ZNF652: variants seen among roughly 807,000 people sequenced by gnomAD.
The protein encoded by ZNF652 is zinc finger protein 652.
ZNF652 carries 16 observed loss-of-function variants against 45.2 expected under a neutral mutation model. The observed-to-expected ratio is 0.35, with a 90% CI of 0.24 to 0.54. ZNF652 has a LOEUF of 0.54. Ranked by LOEUF, ZNF652 falls within the 20% of genes least tolerant of loss-of-function variation. ZNF652 has a pLI of 0.91. For synonymous variants in ZNF652, 250 were observed against 260.6 expected (o/e 0.96, Z 0.39); for missense variants, 614 against 765.6 (o/e 0.80, Z 2.34).
At chr17:49,320,513 T>C (rs1187796371) in intron 1 of ZNF652, among the ~76,000 whole-genome samples, 1 of 152,254 alleles carries the variant, frequency 6.6e-6, no homozygotes, top group Non-Finnish European at 1.5e-5. Flanking sequence ...ATTTCTACTA[T>C]GACAAATGAC....
At chr17:49,321,517 G>A (rs1022028646) in intron 1 of ZNF652, among the ~76,000 whole-genome samples, 1 of 132,676 alleles carries the variant, frequency 7.5e-6, no homozygotes, top group Non-Finnish European at 1.5e-5. Flanking sequence ...TGATCCACCC[G>A]CCTTGACCTC....
intron 1 of ZNF652, among the ~76,000 whole-genome samples, chr17:49,318,397 T>C (rs1036929168): frequency 3.3e-5 from 5 of 152,180 alleles, no homozygotes; most frequent in African/African-American, 1.2e-4. Context: ...ACTCTTTACA[T>C]ATACAATGCT....
intron 1 of ZNF652, among the ~76,000 whole-genome samples, chr17:49,319,532 C>T (rs772590749): frequency 6.8e-6 from 1 of 147,338 alleles, no homozygotes; most frequent in Non-Finnish European, 1.5e-5. Context: ...ACTCAGGAGA[C>T]GGAGGCAGGA....
intron 1 of ZNF652, among the ~76,000 whole-genome samples, chr17:49,339,537 G>C (rs759660339): frequency 2.6e-5 from 4 of 151,972 alleles, no homozygotes; most frequent in Admixed American, 6.6e-5. Context: ...TGCAACTTTG[G>C]AACTTCCAAG....
Position 49,347,735 on chromosome 17 carries a change from GTTTTGTT to G in ZNF652, c.-259+14167_-259+14173del, listed in dbSNP as rs376134145. ...TGCCTGCAAGAAAAATTGAACCTTGGTTTTGTTTTTTTTTTTTTTTTTTTTTTTGAGA... is the reference window on the plus strand; with the variant it reads ...TGCCTGCAAGAAAAATTGAACCTTGGTTTTTTTTTTTTTTTTTTTTTGAGA... On this transcript the variant is annotated intron_variant, in intron 1 of 5. Coordinates refer to ENST00000430262, the MANE Select transcript of ZNF652 (RefSeq NM_001145365.3). Among the ~76,000 whole-genome samples the G allele has an allele frequency of 8.8e-4, 109 of 124,414 alleles. 10 individuals are homozygous for G. Among genetic ancestry groups the G allele is most frequent in the South Asian group, 4.1e-3 (17 of 4,164 alleles). 81.6% of individuals were successfully genotyped at this position (124,414 alleles called of 152,430 possible).
chr17:49,303,495 C>G (rs956064610), intron 5 of ZNF652, among the ~76,000 whole-genome samples: 4 of 152,112 alleles, frequency 2.6e-5, no homozygotes, highest in Non-Finnish European at 5.9e-5. Context: ...CCACCTTAGC[C>G]TCCCAAAGTG....
At chr17:49,345,167 G>A (rs956395084) in intron 1 of ZNF652, among the ~76,000 whole-genome samples, 1 of 151,556 alleles carries the variant, frequency 6.6e-6, no homozygotes, top group African/African-American at 2.4e-5. Context: ...GGAAGGGGCA[G>A]TGAGGGGTGG....
intron 2 of ZNF652, among the ~76,000 whole-genome samples, chr17:49,313,257 G>A (rs1179615267): frequency 6.6e-6 from 1 of 152,136 alleles, no homozygotes; most frequent in Non-Finnish European, 1.5e-5. Context: ...CCGGGTTCAA[G>A]CGATTCTCCT....
At chr17:49,349,594 G>A (rs2070248666) in intron 1 of ZNF652, among the ~76,000 whole-genome samples, 1 of 152,128 alleles carries the variant, frequency 6.6e-6, no homozygotes, top group South Asian at 2.1e-4. Flanking sequence ...AATTTTCTCA[G>A]AGCAAGACAT....
intron 2 of ZNF652, among the ~76,000 whole-genome samples, chr17:49,313,605 A>G (rs1298239723): frequency 6.6e-6 from 1 of 152,216 alleles, no homozygotes; most frequent in Non-Finnish European, 1.5e-5. Flanking sequence ...TAAAAACAAG[A>G]TTAAACAAAA....
In ZNF652 at chr17:49,294,191, T is replaced by C. The variant is rs946857993; in HGVS notation, c.*4222A>G. Reference sequence around the variant, plus strand: ...TTCAAGAATTAAAAAATTCATAGTTTATAAGCATCTCATCAGAGCATTTTG... The same window carrying C: ...TTCAAGAATTAAAAAATTCATAGTTCATAAGCATCTCATCAGAGCATTTTG... On this transcript the variant is annotated 3_prime_UTR_variant, in exon 6 of 6. Coordinates refer to ENST00000430262, the MANE Select transcript of ZNF652 (RefSeq NM_001145365.3). Among the ~76,000 whole-genome samples, 4 of 152,324 alleles carry C rather than the reference T, an allele frequency of 2.6e-5. No homozygotes were observed. Among genetic ancestry groups the C allele is most frequent in the South Asian group, 2.1e-4 (1 of 4,828 alleles).
rs2069426727 is a variant in ZNF652 at position 49,293,240 on chromosome 17, T to C, written c.*5173A>G. Among the ~76,000 whole-genome samples the C allele has an allele frequency of 3.9e-5, 6 of 152,226 alleles. No homozygotes were observed. The highest frequency in any genetic ancestry group is 3.9e-4 in the Admixed American group (6 of 15,288). On this transcript the variant is annotated 3_prime_UTR_variant, in exon 6 of 6. Coordinates refer to ENST00000430262, the MANE Select transcript of ZNF652 (RefSeq NM_001145365.3). ...ACAGTTTGTTTTCCAAATATGTATGTCTGCAAAGTATTCTGACTTAAGTAA... is the reference window on the plus strand; with the variant it reads ...ACAGTTTGTTTTCCAAATATGTATGCCTGCAAAGTATTCTGACTTAAGTAA...
chr17:49,317,012 C>T lies in ZNF652; in HGVS notation c.714G>A (p.Lys238=), dbSNP rs1379327654. The T allele has an allele frequency of 6.2e-6, 10 of 1,614,168 alleles. No homozygotes were observed. Among genetic ancestry groups the T allele is most frequent in the Middle Eastern group, 1.6e-4 (1 of 6,062 alleles). The part of the protein sequence containing the change: ...KEPKAPVQKA[K]CEEKETLTCE... ...AGGTCAGAGTCTCTTTCTCTTCACA[C>T]TTAGCTTTCTGGACTGGTGCTTTGG... is the stretch of plus-strand genomic sequence containing the variant. The change falls in exon 2 of 6, where the codon AAG becomes AAA. Residue 238 remains lysine, a synonymous_variant. Transcript: ENST00000430262.
chr17:49,336,856 G>A (rs542560276), intron 1 of ZNF652, among the ~76,000 whole-genome samples: 5 of 151,080 alleles, frequency 3.3e-5, no homozygotes, highest in East Asian at 3.9e-4. Flanking sequence ...TCAGGAGTTC[G>A]AGAACAGCCC....
At chr17:49,342,006 C>A (rs1200037703) in intron 1 of ZNF652, among the ~76,000 whole-genome samples, 1 of 151,928 alleles carries the variant, frequency 6.6e-6, no homozygotes, top group South Asian at 2.1e-4. Context: ...ACCAATATGG[C>A]GAAACCCCAT....
Position 49,347,740 on chromosome 17 carries a change from GTTTTTTTT to G in ZNF652, c.-259+14161_-259+14168del, listed in dbSNP as rs1181401090. Among the ~76,000 whole-genome samples the G allele has an allele frequency of 2.5e-5, 2 of 81,216 alleles. 1 individual carries two copies. The highest frequency in any genetic ancestry group is 5.1e-5 in the Non-Finnish European group (2 of 39,112). The allele number at this position is 81,216 out of a possible 152,430, so 53.3% of individuals were successfully genotyped here. ...GCAAGAAAAATTGAACCTTGGTTTTGTTTTTTTTTTTTTTTTTTTTTTTGAGACACAGT... is the reference window on the plus strand; with the variant it reads ...GCAAGAAAAATTGAACCTTGGTTTTGTTTTTTTTTTTTTTTGAGACACAGT... On this transcript the variant is annotated intron_variant, in intron 1 of 5. Coordinates refer to ENST00000430262, the MANE Select transcript of ZNF652 (RefSeq NM_001145365.3).
At chr17:49,359,502 A>G (rs1341580886) in intron 1 of ZNF652, among the ~76,000 whole-genome samples, 1 of 152,198 alleles carries the variant, frequency 6.6e-6, no homozygotes, top group African/African-American at 2.4e-5. Flanking sequence ...AAGAATAGGA[A>G]GGTCTCAAAG....
intron 5 of ZNF652, among the ~76,000 whole-genome samples, chr17:49,310,461 A>G (rs905846677): frequency 1.3e-5 from 2 of 152,254 alleles, no homozygotes; most frequent in African/African-American, 4.8e-5. Flanking sequence ...AAGCAGGATA[A>G]TCAGATGCTT....
intron 1 of ZNF652, among the ~76,000 whole-genome samples, chr17:49,332,019 C>T (rs1185483129): frequency 6.6e-6 from 1 of 151,798 alleles, no homozygotes; most frequent in African/African-American, 2.4e-5. Context: ...CATGGTGGCT[C>T]ACACCTGTAA....
Sources: allele counts gnomAD v4.1 joint callset (sites outside exome capture counted in the v4.1 genomes callset), GRCh38; gene constraint gnomAD v4.1.1; transcripts MANE v1.5; gene names NCBI Gene and HGNC (gene_info 2026-07-23, HGNC 2026-07-21).